Variants in MYRIP observed in about 807,000 individuals in gnomAD.
The protein encoded by MYRIP is myosin VIIA and Rab interacting protein, also known as rab effector MyRIP.
A neutral mutation model predicts 98.0 loss-of-function variants in MYRIP; 49 were observed. That is an observed-to-expected ratio of 0.50 (90% CI 0.40 to 0.63). The LOEUF (loss-of-function observed/expected upper bound fraction) is 0.63. MYRIP is among the 30% of genes least tolerant of loss of function. The pLI, the probability that MYRIP is intolerant of heterozygous loss-of-function variation, is 0.00. For synonymous variants in MYRIP, 404 were observed against 409.5 expected, an observed-to-expected ratio of 0.99 and a Z score of 0.16; for missense variants, 1,004 against 1,058.2, an observed-to-expected ratio of 0.95 and a Z score of 0.71.
chr3:40,256,145 C>T (rs1350313474), intron 16 of MYRIP, among the ~76,000 whole-genome samples: 1 of 152,114 alleles, frequency 6.6e-6, no homozygotes, highest in Admixed American at 6.5e-5. Flanking sequence ...ATGTAAATAG[C>T]CACATGTAGC....
chr3:39,989,925 G>A (rs928041917), intron 2 of MYRIP, among the ~76,000 whole-genome samples: 15 of 152,318 alleles, frequency 9.8e-5, no homozygotes, highest in African/African-American at 3.1e-4. Context: ...TGCCCTTAGA[G>A]CTTAGTTTGT....
rs368735256 is a variant in MYRIP, at chr3:40,063,650, A to G, written c.332+19379A>G. Among the ~76,000 whole-genome samples, 25 of 152,304 alleles carry G rather than the reference A, an allele frequency of 1.6e-4. No homozygotes were observed. In the East Asian group the frequency reaches 3.9e-3, roughly 24 times the overall value. On this transcript the variant is annotated intron_variant, in intron 3 of 16. Coordinates refer to ENST00000302541, the MANE Select transcript of MYRIP (RefSeq NM_015460.4). ...TCTTTTCTTCTTGAAGCATATTTGC[A>G]TAGCTTACATGACAGTTATGTTGGG...
chr3:39,867,274 A>T (rs1023847218), intron 1 of MYRIP, among the ~76,000 whole-genome samples: 1 of 152,172 alleles, frequency 6.6e-6, no homozygotes, highest in Admixed American at 6.5e-5. Context: ...TTTAGCAATG[A>T]TTTTTTTCAC....
intron 2 of MYRIP, among the ~76,000 whole-genome samples, chr3:39,997,465 C>T (rs552260402): frequency 1.5e-3 from 232 of 152,138 alleles, no homozygotes; most frequent in Middle Eastern, 6.8e-3. Flanking sequence ...ACACATACAC[C>T]CTCCCAAGAC....
At chr3:40,169,842 T>C in intron 7 of MYRIP, 108 bp from the exon 8 acceptor site, 1 of 1,333,518 alleles carries the variant, frequency 7.5e-7, no homozygotes, top group Non-Finnish European at 1.1e-6. Context: ...CTGTTGAAAT[T>C]AAGCTTATAA....
chr3:39,983,314 T>C (rs1945941058), intron 2 of MYRIP, among the ~76,000 whole-genome samples: 2 of 152,278 alleles, frequency 1.3e-5, no homozygotes, highest in Admixed American at 1.3e-4. Context: ...CAAAAGGTAA[T>C]AGTTGTTTAC....
At chr3:40,015,857 A>G (rs1946850912) in intron 2 of MYRIP, among the ~76,000 whole-genome samples, 1 of 152,232 alleles carries the variant, frequency 6.6e-6, no homozygotes, top group East Asian at 1.9e-4. Flanking sequence ...TTAGTAAATA[A>G]GAAAGTTTAT....
rs1553607293 is a variant in MYRIP, at chr3:40,036,324, A to AAAAC, written c.111-7726_111-7725insAAAC. Among the ~76,000 whole-genome samples the AAAAC allele has an allele frequency of 2.5e-3, 308 of 125,534 alleles. 12 individuals are homozygous for AAAAC. Among genetic ancestry groups the AAAAC allele is most frequent in the Middle Eastern group, 9.4e-3 (2 of 212 alleles). The allele number at this position is 125,534 out of a possible 152,430, so 82.4% of individuals were successfully genotyped here. On this transcript the variant is annotated intron_variant, in intron 2 of 16. Coordinates refer to ENST00000302541, the MANE Select transcript of MYRIP (RefSeq NM_015460.4). Reference sequence around the variant, plus strand: ...TACCAAAAAAAAAAAAAAAAAAAAAACTTTATTCAAAATGAGCTGTCAACT... The same window carrying AAAAC: ...TACCAAAAAAAAAAAAAAAAAAAAAAAAACCTTTATTCAAAATGAGCTGTCAACT...
chr3:39,830,861 A>G (rs796668138), intron 1 of MYRIP, among the ~76,000 whole-genome samples: 14 of 152,302 alleles, frequency 9.2e-5, no homozygotes, highest in African/African-American at 3.4e-4. Context: ...AGAGTTGTCT[A>G]GACTCGCTGT....
At chr3:39,810,241 G>T (rs900806905) in intron 1 of MYRIP, among the ~76,000 whole-genome samples, 2 of 152,250 alleles carry the variant, frequency 1.3e-5, no homozygotes, top group Non-Finnish European at 2.9e-5. Flanking sequence ...CTTGGGCTGC[G>T]GTTCACCGCG....
At chr3:40,062,934 G>A (rs1948049289) in intron 3 of MYRIP, among the ~76,000 whole-genome samples, 1 of 152,064 alleles carries the variant, frequency 6.6e-6, no homozygotes, top group African/African-American at 2.4e-5. Flanking sequence ...AAAATCCCAA[G>A]TTACACAGGG....
chr3:40,216,254 A>C (rs1176314734), intron 11 of MYRIP, among the ~76,000 whole-genome samples: 2 of 152,190 alleles, frequency 1.3e-5, no homozygotes, highest in Non-Finnish European at 2.9e-5. Flanking sequence ...AGAAAGGCAG[A>C]GTTACTCCAA....
intron 2 of MYRIP, among the ~76,000 whole-genome samples, chr3:40,035,419 A>T (rs1008665590): frequency 6.6e-6 from 1 of 151,920 alleles, no homozygotes; most frequent in African/African-American, 2.4e-5. Flanking sequence ...TTGCACTGAA[A>T]AGGTGCACTG....
chr3:39,855,094 T>C (rs1182372167), intron 1 of MYRIP, among the ~76,000 whole-genome samples: 1 of 152,266 alleles, frequency 6.6e-6, no homozygotes, highest in Admixed American at 6.5e-5. Context: ...TAGATATATG[T>C]ACTATGCTGG....
chr3:40,044,452 A>T (rs1213503586), intron 3 of MYRIP, among the ~76,000 whole-genome samples, 181 bp downstream of exon 3: 1 of 152,134 alleles, frequency 6.6e-6, no homozygotes, highest in East Asian at 1.9e-4. Context: ...TATAGGGAGG[A>T]TGAGAGAGGG....
chr3:39,822,310 A>G (rs566398987), intron 1 of MYRIP, among the ~76,000 whole-genome samples: 2 of 152,304 alleles, frequency 1.3e-5, no homozygotes, highest in East Asian at 1.9e-4. Flanking sequence ...TTTGTGTTAG[A>G]TACATTCAAT....
chr3:40,089,622 CA>C (rs1191049218), intron 3 of MYRIP, among the ~76,000 whole-genome samples: 1 of 152,022 alleles, frequency 6.6e-6, no homozygotes, highest in Non-Finnish European at 1.5e-5. Flanking sequence ...TAGCCAAAAA[CA>C]AACAAAGGCA....
At chr3:40,167,123 C>T in intron 6 of MYRIP, 36 bp from the exon 7 acceptor site, 1 of 1,604,436 alleles carries the variant, frequency 6.2e-7, no homozygotes, top group Non-Finnish European at 8.5e-7. Flanking sequence ...ACCCCAAATC[C>T]ACCCACAGCA....
At chr3:39,844,993 T>C (rs761368446) in intron 1 of MYRIP, among the ~76,000 whole-genome samples, 18 of 152,178 alleles carry the variant, frequency 1.2e-4, no homozygotes, top group Non-Finnish European at 2.1e-4. Flanking sequence ...GTTTACTTAG[T>C]AAATGAATGA....
Sources: gnomAD v4.1 joint callset for allele counts (sites outside exome capture counted in the v4.1 genomes callset) on GRCh38, gnomAD v4.1.1 for gene constraint, MANE v1.5 for transcripts, NCBI Gene and HGNC (gene_info 2026-07-23, HGNC 2026-07-21) for gene names.